TANC1: variants seen among roughly 807,000 people sequenced by gnomAD.
TANC1 encodes the protein protein TANC1.
TANC1 carries 77 observed loss-of-function variants against 149.7 expected under a neutral mutation model. The ratio of observed to expected loss-of-function variants is 0.51; its 90% CI spans 0.43 to 0.62. The LOEUF (loss-of-function observed/expected upper bound fraction) is 0.62, where lower values mean the gene tolerates loss of function less well. Among genes scored for constraint, TANC1 ranks in the 20% least tolerant of loss-of-function variants. The pLI, the probability that TANC1 is intolerant of heterozygous loss-of-function variation, is 0.00. For synonymous variants in TANC1, 854 were observed against 925.0 expected (o/e 0.92, Z 1.39); for missense variants, 1,985 against 2,321.8 (o/e 0.85, Z 2.98).
intron 14 of TANC1, among the ~76,000 whole-genome samples, chr2:159,184,546 T>A (rs1443400766): frequency 6.6e-6 from 1 of 152,158 alleles, no homozygotes; most frequent in Admixed American, 6.5e-5. Flanking sequence ...ACTGGGAGAC[T>A]TAGGAGGACT....
chr2:159,151,372 G>A (rs1434435373), intron 7 of TANC1, among the ~76,000 whole-genome samples: 7 of 152,244 alleles, frequency 4.6e-5, no homozygotes, highest in Admixed American at 4.6e-4. Context: ...TCAGGTAACA[G>A]ATGGGTGGGA....
intron 10 of TANC1, 52 bp from the exon 11 acceptor site, chr2:159,172,069 C>T (rs2055316146): frequency 6.4e-7 from 1 of 1,555,656 alleles, no homozygotes; most frequent in African/African-American, 1.4e-5. Context: ...TATTCAATAC[C>T]ACACCCTGCT....
At position 159,007,138 on chromosome 2, in the gene TANC1, GTTTTTTTTTTTTTTTT is replaced by G. The variant is rs70994252; in HGVS notation, c.-16+5959_-16+5974del. On this transcript the variant is annotated intron_variant, in intron 2 of 26. Coordinates refer to ENST00000263635, the MANE Select transcript of TANC1 (RefSeq NM_033394.3). ...TGTACTGTTTTTTATCTTTAATACT[GTTTTTTTTTTTTTTTT>G]TTTTTTTTTGAGACAGAGTTTTGCT... 4.3e-5 allele frequency among the ~76,000 whole-genome samples: 3 copies of G among 69,512 alleles called. No homozygotes were observed. The South Asian group carries it at 2.2e-3, about 51-fold the overall frequency. The allele number at this position is 69,512 out of a possible 152,430, so 45.6% of individuals were successfully genotyped here. A position where few individuals can be genotyped will look rare whatever the true frequency, so the allele number is the denominator to read the frequency against.
chr2:159,203,852 C>T (rs2058422144), intron 19 of TANC1, among the ~76,000 whole-genome samples: 1 of 152,204 alleles, frequency 6.6e-6, no homozygotes. Context: ...GCTGGGATTA[C>T]AGGCATGAGC....
chr2:159,007,950 A>G (rs1014272248), intron 2 of TANC1, among the ~76,000 whole-genome samples: 2 of 152,362 alleles, frequency 1.3e-5, no homozygotes, highest in East Asian at 3.9e-4. Context: ...TTGCTGGTAC[A>G]TTAATCTTAG....
chr2:158,975,465 ATGTATGTGACGCC>A (rs1403962665), intron 1 of TANC1, among the ~76,000 whole-genome samples: 1 of 152,182 alleles, frequency 6.6e-6, no homozygotes, highest in African/African-American at 2.4e-5. Flanking sequence ...ATTAATGAAT[ATGTATGTGACGCC>A]TGTTAGGTCC....
chr2:159,207,357 G>T (rs2058675669), intron 19 of TANC1, among the ~76,000 whole-genome samples: 1 of 152,206 alleles, frequency 6.6e-6, no homozygotes, highest in Non-Finnish European at 1.5e-5. Flanking sequence ...GCTGTTGGAT[G>T]CTTTAGATAT....
intron 5 of TANC1, among the ~76,000 whole-genome samples, chr2:159,137,244 G>A (rs770815334): frequency 3.3e-5 from 5 of 152,144 alleles, no homozygotes; most frequent in Admixed American, 6.5e-5. Flanking sequence ...TGCTGGTGCT[G>A]TATGGCAGGG....
chr2:159,093,450 A>G (rs1002051704), intron 3 of TANC1, among the ~76,000 whole-genome samples: 1 of 152,116 alleles, frequency 6.6e-6, no homozygotes, highest in Non-Finnish European at 1.5e-5. Flanking sequence ...GGATGCCCCT[A>G]AGAGATTTTC....
intron 4 of TANC1, among the ~76,000 whole-genome samples, chr2:159,123,876 G>A (rs1318059248): frequency 7.2e-5 from 11 of 152,086 alleles, no homozygotes; most frequent in Admixed American, 7.2e-4. Context: ...ATTCAGTGAC[G>A]CCAGTCTCCC....
intron 3 of TANC1, among the ~76,000 whole-genome samples, chr2:159,067,302 C>T (rs2042755867): frequency 6.6e-6 from 1 of 152,188 alleles, no homozygotes; most frequent in African/African-American, 2.4e-5. Flanking sequence ...ACAAACTCAC[C>T]TTAAAAGTAG....
chr2:159,092,161 C>T (rs2045625070), intron 3 of TANC1, among the ~76,000 whole-genome samples: 2 of 152,186 alleles, frequency 1.3e-5, no homozygotes, highest in South Asian at 4.1e-4. Flanking sequence ...GCTTCTATCG[C>T]CCCACCCCAC....
At chr2:159,225,870 C>T (rs115959896) in intron 24 of TANC1, 91 bp downstream of exon 24, 1 of 1,022,714 alleles carries the variant, frequency 9.8e-7, no homozygotes, top group Non-Finnish European at 1.5e-6. Flanking sequence ...TGCTACTGCA[C>T]AGTCTCCATG....
At chr2:159,215,721 T>C (rs1371275152) in intron 19 of TANC1, among the ~76,000 whole-genome samples, 1 of 152,234 alleles carries the variant, frequency 6.6e-6, no homozygotes, top group African/African-American at 2.4e-5. Flanking sequence ...ATGGCTGTCG[T>C]GGCACTCTGC....
rs529979392 is a variant in TANC1, at chr2:159,011,697, G to A, written c.-16+10508G>A. Among the ~76,000 whole-genome samples, 7 of 152,058 alleles carry A rather than the reference G, an allele frequency of 4.6e-5. No homozygotes were observed. In the South Asian group the frequency reaches 1.5e-3, roughly 32 times the overall value. On this transcript the variant is annotated intron_variant, in intron 2 of 26. Coordinates refer to ENST00000263635, the MANE Select transcript of TANC1 (RefSeq NM_033394.3). ...ACCACAGGTGCACACCACCATGCCT[G>A]GTCAAATTGCACCTTTTTAAGATGA...
chr2:158,995,591 G>A (rs1574020261), intron 1 of TANC1, among the ~76,000 whole-genome samples: 1 of 152,106 alleles, frequency 6.6e-6, no homozygotes, highest in South Asian at 2.1e-4. Context: ...TCTCCCCTGG[G>A]TTTTTACAGA....
At chr2:159,096,580 G>A (rs1007782170) in intron 3 of TANC1, among the ~76,000 whole-genome samples, 4 of 152,200 alleles carry the variant, frequency 2.6e-5, no homozygotes, top group Non-Finnish European at 2.9e-5. Context: ...TATTCCTGAC[G>A]CAGGTAGCCC....
intron 2 of TANC1, among the ~76,000 whole-genome samples, chr2:159,061,705 A>G (rs1017013149): frequency 2.6e-5 from 4 of 152,286 alleles, no homozygotes; most frequent in Admixed American, 1.3e-4. Flanking sequence ...GGTGTCAGCC[A>G]TGAACTTTGC....
At chr2:158,983,218 G>C (rs2034573223) in intron 1 of TANC1, among the ~76,000 whole-genome samples, 1 of 152,100 alleles carries the variant, frequency 6.6e-6, no homozygotes, top group Admixed American at 6.6e-5. Context: ...TGTAATCCCA[G>C]CACTTTGGGA....
Sources: allele counts gnomAD v4.1 joint callset (sites outside exome capture counted in the v4.1 genomes callset), GRCh38; gene constraint gnomAD v4.1.1; transcripts MANE v1.5; gene names NCBI Gene and HGNC (gene_info 2026-07-23, HGNC 2026-07-21).